ZNF98: variants seen among roughly 807,000 people sequenced by gnomAD.
The protein encoded by ZNF98 is zinc finger protein 98.
Under a neutral mutation model 12.8 loss-of-function variants are expected in ZNF98, and 8 were observed. That is an observed-to-expected ratio of 0.63 (90% confidence interval 0.37 to 1.13). The LOEUF (loss-of-function observed/expected upper bound fraction) is 1.13. Ranked by LOEUF, ZNF98 falls within the 50% of genes most tolerant of loss-of-function variation. ZNF98 has a pLI of 0.01. For synonymous variants in ZNF98, 112 were observed against 223.5 expected, an observed-to-expected ratio of 0.50 and a Z score of 4.45; for missense variants, 379 against 666.1, an observed-to-expected ratio of 0.57 and a Z score of 4.74.
rs546836857 is a variant in ZNF98 at position 22,410,813 on chromosome 19, G to C, written c.31-7301C>G. 4.6e-5 allele frequency among the ~76,000 whole-genome samples: 7 copies of C among 152,222 alleles called. No individual in the cohort carries two copies. In the South Asian group the frequency reaches 1.2e-3, roughly 27 times the overall value. On this transcript the variant is annotated intron_variant, in intron 1 of 3. Coordinates refer to ENST00000357774, the MANE Select transcript of ZNF98 (RefSeq NM_001098626.2). ...GTCCATGAGTGGGTGTTTTAAATAA[G>C]TCCCGTCAAGGCTGATGTTGCTCCC...
intron 1 of ZNF98, among the ~76,000 whole-genome samples, chr19:22,409,390 C>G (rs1041971751): frequency 6.6e-6 from 1 of 152,088 alleles, no homozygotes; most frequent in Admixed American, 6.6e-5. Flanking sequence ...GCAAAGACTT[C>G]ATGACGAAAA....
chr19:22,396,280 A>AT (rs1400509086), intron 3 of ZNF98, among the ~76,000 whole-genome samples: 3 of 152,126 alleles, frequency 2.0e-5, no homozygotes, highest in African/African-American at 4.8e-5. Context: ...AATGAGGAAG[A>AT]TTTTTTTATT....
At chr19:22,405,038 G>T (rs1427028697) in intron 1 of ZNF98, among the ~76,000 whole-genome samples, 1 of 152,068 alleles carries the variant, frequency 6.6e-6, no homozygotes, top group African/African-American at 2.4e-5. Context: ...AATTCATGGT[G>T]AGAATTCTTT....
intron 1 of ZNF98, among the ~76,000 whole-genome samples, chr19:22,415,133 C>T (rs1357050327): frequency 2.6e-5 from 4 of 152,044 alleles, no homozygotes; most frequent in African/African-American, 9.7e-5. Flanking sequence ...AAAAAATGCT[C>T]ATCACTAATC....
At chr19:22,409,596 A>G (rs963981893) in intron 1 of ZNF98, among the ~76,000 whole-genome samples, 1 of 152,138 alleles carries the variant, frequency 6.6e-6, no homozygotes, top group Non-Finnish European at 1.5e-5. Flanking sequence ...ATTTACAAGA[A>G]AAAAACAAAC....
Position 22,391,288 on chromosome 19 carries a change from C to A in ZNF98, c.*228G>T, listed in dbSNP as rs549202634. The A allele has an allele frequency of 4.5e-6, 4 of 880,766 alleles. No homozygotes were observed. Among genetic ancestry groups the A allele is most frequent in the South Asian group, 4.5e-5 (2 of 44,836 alleles). The allele number at this position is 880,766 out of a possible 1,614,324, so 54.6% of individuals were successfully genotyped here. ...CCTTTAATGCTATTAAGTATAAATT[C>A]TCTGATGCTGAATAAGATGTGTGCA... On this transcript the variant is annotated 3_prime_UTR_variant, in exon 4 of 4. Coordinates refer to ENST00000357774, the MANE Select transcript of ZNF98 (RefSeq NM_001098626.2).
intron 1 of ZNF98, among the ~76,000 whole-genome samples, chr19:22,406,645 G>C (rs1407372615): frequency 6.6e-6 from 1 of 151,848 alleles, no homozygotes; most frequent in Non-Finnish European, 1.5e-5. Flanking sequence ...GTGAAACCCT[G>C]TCTCTACTAA....
chr19:22,410,628 G>C (rs1243141637), intron 1 of ZNF98, among the ~76,000 whole-genome samples: 1 of 152,114 alleles, frequency 6.6e-6, no homozygotes, highest in Admixed American at 6.6e-5. Context: ...AGGGCACCTA[G>C]AAGGGTCAGT....
chr19:22,393,708 A>G (rs1206927570), intron 3 of ZNF98, among the ~76,000 whole-genome samples: 1 of 152,174 alleles, frequency 6.6e-6, no homozygotes, highest in Non-Finnish European at 1.5e-5. Flanking sequence ...AGACTTAAAT[A>G]TTAGACCTAA....
chr19:22,397,212 T>TGTGTGTGTG (rs1555703682), intron 3 of ZNF98, among the ~76,000 whole-genome samples: 3 of 145,220 alleles, frequency 2.1e-5, no homozygotes, highest in Admixed American at 6.9e-5. Context: ...GTGTGTGTTT[T>TGTGTGTGTG]TGTGTGTGTG....
chr19:22,407,636 C>T (rs538346587), intron 1 of ZNF98, among the ~76,000 whole-genome samples: 8 of 151,524 alleles, frequency 5.3e-5, no homozygotes, highest in South Asian at 2.1e-4. Context: ...TGCTTGAACC[C>T]GGGAGGCGGA....
At chr19:22,394,816 G>A (rs1170629315) in intron 3 of ZNF98, among the ~76,000 whole-genome samples, 4 of 152,000 alleles carry the variant, frequency 2.6e-5, no homozygotes, top group Non-Finnish European at 5.9e-5. Context: ...AAATAAGAAA[G>A]GTAAGTTTTA....
At chr19:22,399,818 T>C (rs1213245337) in intron 3 of ZNF98, among the ~76,000 whole-genome samples, 3 of 152,180 alleles carry the variant, frequency 2.0e-5, no homozygotes, top group African/African-American at 4.8e-5. Context: ...ATCAGCCTGA[T>C]AAAAATGCCT....
chr19:22,406,733 C>T (rs1223153453), intron 1 of ZNF98, among the ~76,000 whole-genome samples: 2 of 151,854 alleles, frequency 1.3e-5, no homozygotes, highest in Non-Finnish European at 2.9e-5. Flanking sequence ...AGAAGAATGA[C>T]GTGAACCTGG....
chr19:22,409,023 T>C (rs1348614647), intron 1 of ZNF98, among the ~76,000 whole-genome samples: 1 of 152,082 alleles, frequency 6.6e-6, no homozygotes, highest in Non-Finnish European at 1.5e-5. Flanking sequence ...GGCATCACAC[T>C]ACCTGACTTC....
chr19:22,404,677 A>C (rs1182327882), intron 1 of ZNF98, among the ~76,000 whole-genome samples: 1 of 152,252 alleles, frequency 6.6e-6, no homozygotes, highest in Non-Finnish European at 1.5e-5. Flanking sequence ...GCCTGAATTT[A>C]ATCATAAAGA....
chr19:22,420,968 C>G (rs984372753), intron 1 of ZNF98, among the ~76,000 whole-genome samples: 1 of 151,764 alleles, frequency 6.6e-6, no homozygotes, highest in African/African-American at 2.4e-5. Context: ...TTCTTTTTTT[C>G]AATTTTAAAT....
intron 1 of ZNF98, among the ~76,000 whole-genome samples, chr19:22,419,166 T>C (rs919085926): frequency 6.6e-6 from 1 of 152,196 alleles, no homozygotes; most frequent in Non-Finnish European, 1.5e-5. Context: ...AAAGATCTTA[T>C]AGTAGGCATT....
chr19:22,407,065 A>G (rs1969527631), intron 1 of ZNF98, among the ~76,000 whole-genome samples: 1 of 151,434 alleles, frequency 6.6e-6, no homozygotes, highest in Non-Finnish European at 1.5e-5. Flanking sequence ...TGCTAACTAG[A>G]ATAACCAGTT....
Sources: allele counts gnomAD v4.1 joint callset (sites outside exome capture counted in the v4.1 genomes callset), GRCh38; gene constraint gnomAD v4.1.1; transcripts MANE v1.5; gene names NCBI Gene and HGNC (gene_info 2026-07-23, HGNC 2026-07-21).